Variants in CCDC102B observed in about 807,000 individuals in gnomAD.
CCDC102B encodes the protein coiled-coil domain containing 102B.
A neutral mutation model predicts 57.4 loss-of-function variants in CCDC102B; 75 were observed. The observed-to-expected ratio is 1.31, with a 90% CI of 1.08 to 1.58. The LOEUF is 1.58. CCDC102B is among the 40% of genes most tolerant of loss of function. The pLI is 0.00. For synonymous variants in CCDC102B, 206 were observed against 201.9 expected, an observed-to-expected ratio of 1.02 and a Z score of -0.17; for missense variants, 636 against 582.6, an observed-to-expected ratio of 1.09 and a Z score of -0.94.
At position 68,938,807 on chromosome 18, in the gene CCDC102B, A is replaced by G. The variant is rs542730833; in HGVS notation, c.1263+41379A>G. Among the ~76,000 whole-genome samples the G allele has an allele frequency of 2.0e-5, 3 of 151,814 alleles. No homozygotes were observed. The South Asian group carries it at 6.2e-4, about 32-fold the overall frequency. ...GATATTTTAAAACAAATATGGGAGAATATAGAATCTATATACCTATCTAGA... is the reference window on the plus strand; with the variant it reads ...GATATTTTAAAACAAATATGGGAGAGTATAGAATCTATATACCTATCTAGA... On this transcript the variant is annotated intron_variant, in intron 6 of 7. Coordinates refer to ENST00000360242, the MANE Select transcript of CCDC102B (RefSeq NM_024781.3).
At chr18:68,879,052 C>T (rs1377274430) in intron 5 of CCDC102B, among the ~76,000 whole-genome samples, 1 of 152,078 alleles carries the variant, frequency 6.6e-6, no homozygotes, top group Non-Finnish European at 1.5e-5. Context: ...AGTGAAGCTG[C>T]AGACCTTCGC....
Position 68,838,432 on chromosome 18 carries a change from AT to A in CCDC102B, c.607-269del, listed in dbSNP as rs891927042. ...CAGCTGTTCAAGTTTGTGCAGAGTT[AT>A]TTTTAGCTGCGATTAGAAAAAGAGA... On this transcript the variant is annotated intron_variant, in intron 2 of 7. Coordinates refer to ENST00000360242, the MANE Select transcript of CCDC102B (RefSeq NM_024781.3). 105 of 985,288 alleles carry A rather than the reference AT, an allele frequency of 1.1e-4. 1 individual carries two copies. The African/African-American group carries it at 1.8e-3, about 17-fold the overall frequency. The allele number at this position is 985,288 out of a possible 1,614,324, so 61.0% of individuals were successfully genotyped here. A position where few individuals can be genotyped will look rare whatever the true frequency, so the allele number is the denominator to read the frequency against.
chr18:68,961,343 C>T (rs2050043316), intron 6 of CCDC102B, among the ~76,000 whole-genome samples: 1 of 151,600 alleles, frequency 6.6e-6, no homozygotes, highest in Non-Finnish European at 1.5e-5. Flanking sequence ...ATACACAATA[C>T]AGAAACAAGA....
chr18:68,862,488 A>AACTCTGTCAC (rs2038804434), intron 4 of CCDC102B, among the ~76,000 whole-genome samples: 1 of 152,158 alleles, frequency 6.6e-6, no homozygotes, highest in African/African-American at 2.4e-5. Flanking sequence ...TTTTTTATTT[A>AACTCTGTCAC]TAAAAATTTT....
intron 6 of CCDC102B, among the ~76,000 whole-genome samples, chr18:68,916,184 T>C (rs1002800635): frequency 6.6e-6 from 1 of 152,158 alleles, no homozygotes; most frequent in Non-Finnish European, 1.5e-5. Context: ...TCTATCTATC[T>C]ATGCTATTAC....
At position 68,836,889 on chromosome 18, in the gene CCDC102B, C is replaced by G; in HGVS notation, c.126C>G (p.Thr42=). ...PASPPRDTCN[T]CFPLHGLQSH... ...CACCCCCCAGGGATACCTGTAATAC[C>G]TGCTTCCCACTTCATGGGCTACAAT... The change falls in exon 2 of 8, where the codon ACC becomes ACG. Residue 42 remains threonine, a synonymous_variant. Transcript: ENST00000360242. 6.2e-7 allele frequency: 1 copy of G among 1,614,116 alleles called. No individual in the cohort carries two copies. The highest frequency in any genetic ancestry group is 8.5e-7 in the Non-Finnish European group (1 of 1,180,032).
rs540967307 is a variant in CCDC102B, at chr18:68,845,125, A to C, written c.828-1188A>C. Among the ~76,000 whole-genome samples, 15 of 151,962 alleles carry C rather than the reference A, an allele frequency of 9.9e-5. No individual in the cohort carries two copies. The East Asian group carries it at 2.7e-3, about 27-fold the overall frequency. On this transcript the variant is annotated intron_variant, in intron 3 of 7. Coordinates refer to ENST00000360242, the MANE Select transcript of CCDC102B (RefSeq NM_024781.3). ...TGTAAATATAATTATATAACTTTTT[A>C]ATAGGCTGCTTCTCCATTTGATTGA...
intron 1 of CCDC102B, among the ~76,000 whole-genome samples, chr18:68,829,378 T>A (rs1337300866): frequency 6.6e-6 from 1 of 152,022 alleles, no homozygotes; most frequent in Non-Finnish European, 1.5e-5. Flanking sequence ...TGAATCCAGT[T>A]TTTTCTCTTG....
At chr18:68,865,097 G>A (rs1365194341) in intron 4 of CCDC102B, among the ~76,000 whole-genome samples, 1 of 151,976 alleles carries the variant, frequency 6.6e-6, no homozygotes, top group Non-Finnish European at 1.5e-5. Context: ...TAGTTCTTTA[G>A]GCTTTACCAC....
At chr18:68,715,371 G>T in intron 1 of CCDC102B, 1 of 531,936 alleles carries the variant, frequency 1.9e-6, no homozygotes, top group Non-Finnish European at 2.6e-6. Context: ...GGTAGGCTCT[G>T]ACGACGCACT....
chr18:68,860,652 C>A (rs202209996), intron 4 of CCDC102B, among the ~76,000 whole-genome samples: 11,924 of 96,888 alleles, frequency 0.12, 679 homozygotes, highest in South Asian at 0.28. Flanking sequence ...TCCCCACAGA[C>A]CTCAATTGCT....
chr18:68,865,027 C>T (rs1942297), intron 4 of CCDC102B, among the ~76,000 whole-genome samples: 2,946 of 151,742 alleles, frequency 0.019, 53 homozygotes, highest in Non-Finnish European at 0.027. Context: ...TTGAAGGAAG[C>T]TTTGTGTTTT....
chr18:68,978,651 C>A (rs1366743896), intron 6 of CCDC102B, among the ~76,000 whole-genome samples: 1 of 151,820 alleles, frequency 6.6e-6, no homozygotes, highest in African/African-American at 2.4e-5. Context: ...TTACATAGGC[C>A]ATAGTGTAGC....
chr18:68,941,870 T>C (rs1201957660), intron 6 of CCDC102B, among the ~76,000 whole-genome samples: 1 of 152,100 alleles, frequency 6.6e-6, no homozygotes, highest in Non-Finnish European at 1.5e-5. Flanking sequence ...ATTTCCTTTA[T>C]GTAATGTGTC....
chr18:68,867,441 A>C (rs2039042834), intron 4 of CCDC102B, among the ~76,000 whole-genome samples: 1 of 152,178 alleles, frequency 6.6e-6, no homozygotes, highest in South Asian at 2.1e-4. Flanking sequence ...TCCCTGAGAC[A>C]GTGGAAACTG....
chr18:68,994,551 G>C (rs2050965539), intron 6 of CCDC102B, among the ~76,000 whole-genome samples: 1 of 151,942 alleles, frequency 6.6e-6, no homozygotes, highest in Non-Finnish European at 1.5e-5. Context: ...GAGACACCAG[G>C]TGAAGGTAAT....
chr18:68,851,989 A>G (rs1167627825), intron 4 of CCDC102B, among the ~76,000 whole-genome samples: 2 of 152,194 alleles, frequency 1.3e-5, no homozygotes, highest in South Asian at 2.1e-4. Context: ...TTACAGGGAC[A>G]TTCAATTAAG....
At chr18:69,018,661 A>AT (rs1311078431) in intron 7 of CCDC102B, among the ~76,000 whole-genome samples, 1 of 152,096 alleles carries the variant, frequency 6.6e-6, no homozygotes, top group Non-Finnish European at 1.5e-5. Context: ...TTTAAAATGA[A>AT]TTTTAATATG....
At chr18:68,936,351 G>A (rs903473884) in intron 6 of CCDC102B, among the ~76,000 whole-genome samples, 7 of 151,910 alleles carry the variant, frequency 4.6e-5, no homozygotes, top group African/African-American at 1.2e-4. Flanking sequence ...CAAAAATAAC[G>A]CTTGGTATTT....
Sources: gnomAD v4.1 joint callset for allele counts (sites outside exome capture counted in the v4.1 genomes callset) on GRCh38, gnomAD v4.1.1 for gene constraint, MANE v1.5 for transcripts, NCBI Gene and HGNC (gene_info 2026-07-23, HGNC 2026-07-21) for gene names.